Variants in TMEM132D observed in about 807,000 individuals in gnomAD.
The protein encoded by TMEM132D is transmembrane protein 132D.
In TMEM132D, 21 loss-of-function variants were observed where a neutral mutation model predicts 62.3. The ratio of observed to expected loss-of-function variants is 0.34; its 90% CI spans 0.24 to 0.49. The LOEUF (loss-of-function observed/expected upper bound fraction) is 0.49, where lower values mean the gene tolerates loss of function less well. Among genes scored for constraint, TMEM132D ranks in the 20% least tolerant of loss-of-function variants. The pLI, the probability that TMEM132D is intolerant of heterozygous loss-of-function variation, is 0.99. For synonymous variants in TMEM132D, 621 were observed against 575.6 expected, an observed-to-expected ratio of 1.08 and a Z score of -1.13; for missense variants, 1,346 against 1,402.8, an observed-to-expected ratio of 0.96 and a Z score of 0.65.
chr12:129,654,879 C>T (rs954329290), intron 2 of TMEM132D, among the ~76,000 whole-genome samples: 3 of 152,180 alleles, frequency 2.0e-5, no homozygotes, highest in Admixed American at 1.3e-4. Context: ...CACAAACAAA[C>T]GAACACATTT....
At chr12:129,750,409 A>C (rs904157327) in intron 1 of TMEM132D, among the ~76,000 whole-genome samples, 2 of 152,176 alleles carry the variant, frequency 1.3e-5, no homozygotes. Flanking sequence ...ATATGGAGAA[A>C]GTTATTTTCT....
intron 2 of TMEM132D, among the ~76,000 whole-genome samples, chr12:129,671,308 T>A (rs1167208418): frequency 6.6e-6 from 1 of 152,146 alleles, no homozygotes; most frequent in Non-Finnish European, 1.5e-5. Context: ...TGTGCTTCCA[T>A]CAGTTGTAAA....
Position 129,833,957 on chromosome 12 carries a change from A to G in TMEM132D, c.79+69304T>C, listed in dbSNP as rs149720707. Among the ~76,000 whole-genome samples, 12 of 152,156 alleles carry G rather than the reference A, an allele frequency of 7.9e-5. No homozygotes were observed. In the East Asian group the frequency reaches 2.1e-3, roughly 27 times the overall value. ...CAGTACCCAGGATTCCTCACTTTCA[A>G]ATGTGCTCTCCACAAGATTCTGACA... On this transcript the variant is annotated intron_variant, in intron 1 of 8. Coordinates refer to ENST00000422113, the MANE Select transcript of TMEM132D (RefSeq NM_133448.3).
In TMEM132D at chr12:129,501,254, G is replaced by A. The variant is rs181264693; in HGVS notation, c.1115+29805C>T. On this transcript the variant is annotated intron_variant, in intron 3 of 8. Transcript: ENST00000422113. ...TCCCCTCAGATTAGAAAAAGGAGGCGGGAGAGAGAGAAATGGAAGTTTACT... is the reference window on the plus strand; with the variant it reads ...TCCCCTCAGATTAGAAAAAGGAGGCAGGAGAGAGAGAAATGGAAGTTTACT... Among the ~76,000 whole-genome samples, 15 of 152,214 alleles carry A rather than the reference G, an allele frequency of 9.9e-5. No individual in the cohort carries two copies. The East Asian group carries it at 2.3e-3, about 24-fold the overall frequency.
At chr12:129,088,200 A>C (rs149838492) in intron 5 of TMEM132D, among the ~76,000 whole-genome samples, 592 of 8,714 alleles carry the variant, frequency 0.068, 28 homozygotes, top group Middle Eastern at 0.3. Context: ...GGTGTCCTCC[A>C]TGACCGGGTG....
chr12:129,104,389 A>G (rs1024544309), intron 5 of TMEM132D, among the ~76,000 whole-genome samples: 71 of 152,262 alleles, frequency 4.7e-4, no homozygotes, highest in African/African-American at 1.6e-3. Flanking sequence ...ACAAAAATCA[A>G]TTCAAGATGG....
At chr12:129,111,435 G>C (rs999431645) in intron 5 of TMEM132D, 4 of 152,242 alleles carry the variant, frequency 2.6e-5, no homozygotes, top group Admixed American at 6.5e-5. Context: ...CCAGAAAATG[G>C]AACAGCTGCT....
chr12:129,680,941 A>T (rs264510), intron 2 of TMEM132D, among the ~76,000 whole-genome samples: 44,146 of 152,098 alleles, frequency 0.29, 6,547 homozygotes, highest in Admixed American at 0.35. Flanking sequence ...GAGTAGGGAC[A>T]GTGGCATGAG....
At chr12:129,776,785 C>A (rs2137287305) in intron 1 of TMEM132D, among the ~76,000 whole-genome samples, 1 of 111,062 alleles carries the variant, frequency 9.0e-6, no homozygotes, top group Admixed American at 1.0e-4. Flanking sequence ...AAATAATGGG[C>A]TTCAAAAAAA....
At chr12:129,279,621 T>C (rs1203789675) in intron 4 of TMEM132D, among the ~76,000 whole-genome samples, 1 of 152,078 alleles carries the variant, frequency 6.6e-6, no homozygotes, top group Non-Finnish European at 1.5e-5. Context: ...GGTAATGAAT[T>C]AGAGTGAATC....
chr12:129,360,417 T>G (rs1593350811), intron 3 of TMEM132D, among the ~76,000 whole-genome samples: 1 of 152,136 alleles, frequency 6.6e-6, no homozygotes, highest in South Asian at 2.1e-4. Flanking sequence ...AGATCTTTCA[T>G]GTAAAGACCC....
rs115241507 is a variant in TMEM132D at position 129,158,034 on chromosome 12, G to A, written c.1443+51486C>T. ...CATCATGAAGCACCTGGTGCTGACAGAGGGGTAGGTGAGGTTTATATTTTA... is the reference window on the plus strand; with the variant it reads ...CATCATGAAGCACCTGGTGCTGACAAAGGGGTAGGTGAGGTTTATATTTTA... On this transcript the variant is annotated intron_variant, in intron 5 of 8. Transcript: ENST00000422113. Among the ~76,000 whole-genome samples, 1,174 of 152,290 alleles carry A rather than the reference G, an allele frequency of 7.7e-3. 5 individuals are homozygous for A. The highest frequency in any genetic ancestry group is 0.017 in the Middle Eastern group (5 of 294).
chr12:129,824,818 T>C (rs1872621068), intron 1 of TMEM132D, among the ~76,000 whole-genome samples: 1 of 152,154 alleles, frequency 6.6e-6, no homozygotes, highest in African/African-American at 2.4e-5. Context: ...AAGGTCCGGA[T>C]GGGTAAGAGG....
intron 3 of TMEM132D, among the ~76,000 whole-genome samples, chr12:129,443,151 C>T (rs911496344): frequency 1.3e-5 from 2 of 152,126 alleles, no homozygotes; most frequent in Non-Finnish European, 2.9e-5. Flanking sequence ...CTTTCCAATC[C>T]GGCTTCCTCC....
chr12:129,629,895 T>C (rs1248534022), intron 2 of TMEM132D, among the ~76,000 whole-genome samples: 1 of 152,210 alleles, frequency 6.6e-6, no homozygotes. Flanking sequence ...TGTAGTCAAA[T>C]GTGGATCTGG....
intron 2 of TMEM132D, among the ~76,000 whole-genome samples, chr12:129,672,038 C>T (rs915410531): frequency 2.0e-5 from 3 of 152,154 alleles, no homozygotes; most frequent in Non-Finnish European, 4.4e-5. Flanking sequence ...ATGACCTGAT[C>T]GTGCAAAAAT....
At chr12:129,470,185 C>T (rs1478135738) in intron 3 of TMEM132D, among the ~76,000 whole-genome samples, 2 of 152,120 alleles carry the variant, frequency 1.3e-5, no homozygotes, top group Non-Finnish European at 1.5e-5. Context: ...ACTATAAAAG[C>T]GATTTGTTTT....
At chr12:129,453,415 G>A (rs1016338416) in intron 3 of TMEM132D, among the ~76,000 whole-genome samples, 3 of 152,156 alleles carry the variant, frequency 2.0e-5, no homozygotes, top group African/African-American at 7.2e-5. Flanking sequence ...AAAGGGCTAA[G>A]TCTGCTCCTT....
At chr12:129,134,038 C>T (rs1056805640) in intron 5 of TMEM132D, among the ~76,000 whole-genome samples, 1 of 151,746 alleles carries the variant, frequency 6.6e-6, no homozygotes, top group African/African-American at 2.4e-5. Context: ...CCCAGCAATA[C>T]CTGAAGCTCA....
Sources: gnomAD v4.1 joint callset for allele counts (sites outside exome capture counted in the v4.1 genomes callset) on GRCh38, gnomAD v4.1.1 for gene constraint, MANE v1.5 for transcripts, NCBI Gene and HGNC (gene_info 2026-07-23, HGNC 2026-07-21) for gene names.